CCDC91: variants seen among roughly 807,000 people sequenced by gnomAD.
CCDC91 encodes coiled-coil domain containing 91.
In CCDC91, 48 loss-of-function variants were observed where a neutral mutation model predicts 63.2. The ratio of observed to expected loss-of-function variants is 0.76; its 90% CI spans 0.60 to 0.97. The LOEUF (loss-of-function observed/expected upper bound fraction) is 0.97. Among genes scored for constraint, CCDC91 ranks in the 50% least tolerant of loss-of-function variants. The probability of loss-of-function intolerance (pLI) is 0.00; values close to 1 mark genes in which losing one functional copy is unlikely to be tolerated. For missense variants in CCDC91, 500 were observed against 494.6 expected, an observed-to-expected ratio of 1.01 and a Z score of -0.10; for synonymous variants, 167 against 165.8, an observed-to-expected ratio of 1.01 and a Z score of -0.06.
At chr12:28,309,286 A>G (rs1407366949) in intron 6 of CCDC91, among the ~76,000 whole-genome samples, 1 of 152,058 alleles carries the variant, frequency 6.6e-6, no homozygotes, top group Admixed American at 6.6e-5. Flanking sequence ...TTATTCTTGA[A>G]TAAAAGTCTC....
At chr12:28,435,225 T>C (rs528589801) in intron 8 of CCDC91, among the ~76,000 whole-genome samples, 4 of 151,896 alleles carry the variant, frequency 2.6e-5, no homozygotes, top group East Asian at 1.9e-4. Flanking sequence ...CTAAGATTAT[T>C]GATTTAGTAT....
intron 7 of CCDC91, among the ~76,000 whole-genome samples, chr12:28,364,502 G>A (rs1159724309): frequency 6.6e-6 from 1 of 152,130 alleles, no homozygotes; most frequent in Non-Finnish European, 1.5e-5. Flanking sequence ...CAGTTATTGA[G>A]TTGAGGAAAA....
chr12:28,283,411 T>C (rs1425420361), intron 3 of CCDC91, among the ~76,000 whole-genome samples: 1 of 152,020 alleles, frequency 6.6e-6, no homozygotes, highest in Non-Finnish European at 1.5e-5. Flanking sequence ...TGTTCCTGTG[T>C]AGATGTTTCA....
At chr12:28,501,188 T>C (rs1448629855) in intron 12 of CCDC91, among the ~76,000 whole-genome samples, 1 of 151,960 alleles carries the variant, frequency 6.6e-6, no homozygotes, top group Non-Finnish European at 1.5e-5. Context: ...CCTAATTGAA[T>C]ACCCTTTATT....
At chr12:28,431,233 A>G (rs1420524519) in intron 8 of CCDC91, among the ~76,000 whole-genome samples, 3 of 152,066 alleles carry the variant, frequency 2.0e-5, no homozygotes, top group Non-Finnish European at 4.4e-5. Flanking sequence ...AGTGTTTCCT[A>G]TGTATCTATT....
intron 6 of CCDC91, among the ~76,000 whole-genome samples, chr12:28,359,892 A>G (rs1254621598): frequency 2.0e-5 from 3 of 152,186 alleles, no homozygotes; most frequent in African/African-American, 7.2e-5. Context: ...GTAATATACT[A>G]TTTGTGAAAT....
intron 8 of CCDC91, among the ~76,000 whole-genome samples, chr12:28,423,671 A>G (rs531498770): frequency 9.9e-5 from 15 of 152,184 alleles, no homozygotes; most frequent in Admixed American, 2.0e-4. Flanking sequence ...CTTACAGTAA[A>G]AACTTCTGCA....
chr12:28,422,758 C>G (rs902203688), intron 8 of CCDC91, among the ~76,000 whole-genome samples: 14 of 152,092 alleles, frequency 9.2e-5, no homozygotes, highest in African/African-American at 3.1e-4. Context: ...TTTTCTCTTT[C>G]TCTTTAATGT....
chr12:28,337,990 A>G (rs1208820619), intron 6 of CCDC91, among the ~76,000 whole-genome samples: 3 of 152,126 alleles, frequency 2.0e-5, no homozygotes, highest in Admixed American at 6.5e-5. Context: ...AGCTCACCAG[A>G]TATTGTCAGG....
At chr12:28,215,617 A>C (rs1040024400) in intron 1 of CCDC91, among the ~76,000 whole-genome samples, 21 of 152,224 alleles carry the variant, frequency 1.4e-4, no homozygotes, top group Non-Finnish European at 4.4e-5. Context: ...CCCAAAGGCA[A>C]CTTAAGAAAT....
At chr12:28,539,542 A>G in intron 12 of CCDC91, among the ~76,000 whole-genome samples, 1 of 152,164 alleles carries the variant, frequency 6.6e-6, no homozygotes, top group Non-Finnish European at 1.5e-5. Flanking sequence ...AGGTAGCATG[A>G]TGCCTCCAGC....
At chr12:28,471,054 CCTAATA>C (rs1410509796) in intron 11 of CCDC91, among the ~76,000 whole-genome samples, 1 of 152,044 alleles carries the variant, frequency 6.6e-6, no homozygotes, top group Non-Finnish European at 1.5e-5. Flanking sequence ...TGCAGGAAAT[CCTAATA>C]CTATGTTACT....
At chr12:28,281,271 T>A (rs75131438) in intron 3 of CCDC91, among the ~76,000 whole-genome samples, 2 of 152,222 alleles carry the variant, frequency 1.3e-5, no homozygotes, top group Non-Finnish European at 2.9e-5. Context: ...CAGTAGGAGA[T>A]ACATGTTATA....
In CCDC91 at chr12:28,203,596, A is replaced by G. The variant is rs117526540; in HGVS notation, c.-15+12955A>G. On this transcript the variant is annotated intron_variant, in intron 1 of 12. Coordinates refer to ENST00000536442, the MANE Select transcript of CCDC91 (RefSeq NM_018318.5). ...CTTAGTGCTGTGAAAATTCTGCAGG[A>G]TGAAAATTACAATCTGTTCCTAAAT... Among the ~76,000 whole-genome samples, 1,321 of 152,340 alleles carry G rather than the reference A, an allele frequency of 8.7e-3. 8 individuals carry two copies. The highest frequency in any genetic ancestry group is 0.015 in the Non-Finnish European group (1,014 of 68,020).
chr12:28,359,200 C>G (rs1420636764), intron 6 of CCDC91, among the ~76,000 whole-genome samples: 3 of 152,114 alleles, frequency 2.0e-5, no homozygotes, highest in African/African-American at 7.2e-5. Context: ...AGCCTACACA[C>G]CAATACTTTT....
At chr12:28,248,103 A>G (rs12298406) in intron 1 of CCDC91, among the ~76,000 whole-genome samples, 1 of 152,096 alleles carries the variant, frequency 6.6e-6, no homozygotes, top group Non-Finnish European at 1.5e-5. Context: ...TTTGTGATTG[A>G]TTTTATATAT....
At chr12:28,527,751 T>G (rs975234298) in intron 12 of CCDC91, among the ~76,000 whole-genome samples, 2 of 152,126 alleles carry the variant, frequency 1.3e-5, no homozygotes, top group Non-Finnish European at 2.9e-5. Context: ...GGGCTTGGAC[T>G]CTACTTGGGC....
chr12:28,327,538 A>G (rs746440264), intron 6 of CCDC91, among the ~76,000 whole-genome samples: 1 of 152,088 alleles, frequency 6.6e-6, no homozygotes, highest in African/African-American at 2.4e-5. Context: ...TAAATCAGAC[A>G]CCACCTCCTC....
rs74986737 is a variant in CCDC91 at position 28,427,467 on chromosome 12, T to G, written c.763-22694T>G. Among the ~76,000 whole-genome samples, 694 of 152,244 alleles carry G rather than the reference T, an allele frequency of 4.6e-3. 8 individuals are homozygous for G. The highest frequency in any genetic ancestry group is 0.014 in the African/African-American group (585 of 41,548). On this transcript the variant is annotated intron_variant, in intron 8 of 12. Coordinates refer to ENST00000536442, the MANE Select transcript of CCDC91 (RefSeq NM_018318.5). ...CCTGGAGGGAAGACCCATGAAAGTATGAGAGCAACTAACCCCCCGACCCCA... is the reference window on the plus strand; with the variant it reads ...CCTGGAGGGAAGACCCATGAAAGTAGGAGAGCAACTAACCCCCCGACCCCA...
Sources: allele counts gnomAD v4.1 joint callset (sites outside exome capture counted in the v4.1 genomes callset), GRCh38; gene constraint gnomAD v4.1.1; transcripts MANE v1.5; gene names NCBI Gene and HGNC (gene_info 2026-07-23, HGNC 2026-07-21).